IP6K3: variants seen among roughly 807,000 people sequenced by gnomAD.
IP6K3 encodes the protein ATP:1D-myo-inositol-hexakisphosphate phosphotransferase.
A neutral mutation model predicts 28.8 loss-of-function variants in IP6K3; 20 were observed. The ratio of observed to expected loss-of-function variants is 0.70; its 90% CI spans 0.49 to 1.01. The LOEUF (loss-of-function observed/expected upper bound fraction) is 1.01, where lower values mean the gene tolerates loss of function less well. Ranked by LOEUF, IP6K3 falls within the 50% of genes least tolerant of loss-of-function variation. The pLI is 0.00. For missense variants in IP6K3, 480 were observed against 537.1 expected, an observed-to-expected ratio of 0.89 and a Z score of 1.05; for synonymous variants, 213 against 221.3, an observed-to-expected ratio of 0.96 and a Z score of 0.33.
At chr6:33,726,494 C>A (rs1766117633) in intron 4 of IP6K3, among the ~76,000 whole-genome samples, 1 of 152,232 alleles carries the variant, frequency 6.6e-6, no homozygotes, top group South Asian at 2.1e-4. Context: ...GCACTGCGCT[C>A]AGTATAATTC....
chr6:33,736,623 C>T (rs1303135894), intron 1 of IP6K3, among the ~76,000 whole-genome samples: 8 of 152,148 alleles, frequency 5.3e-5, no homozygotes, highest in Admixed American at 5.2e-4. Context: ...CCAGGCTGGT[C>T]TCGAACTCCT....
At chr6:33,739,065 G>C (rs1037543665) in intron 1 of IP6K3, 2 of 152,194 alleles carry the variant, frequency 1.3e-5, no homozygotes, top group African/African-American at 4.8e-5. Context: ...GTCATTCCCA[G>C]CAGGGAACTG....
intron 1 of IP6K3, among the ~76,000 whole-genome samples, chr6:33,739,664 T>G (rs920707822): frequency 6.6e-6 from 1 of 152,230 alleles, no homozygotes; most frequent in Non-Finnish European, 1.5e-5. Context: ...AAGTCCCAAT[T>G]AAATCATTCA....
chr6:33,722,925 G>C lies in IP6K3; in HGVS notation c.1028C>G (p.Pro343Arg). 6.2e-7 allele frequency: 1 copy of C among 1,614,026 alleles called. No individual in the cohort carries two copies. Among genetic ancestry groups the C allele is most frequent in the South Asian group, 1.1e-5 (1 of 91,066 alleles). The change falls in exon 6 of 6, where the codon CCG becomes CGG. Residue 343 changes from proline (P) to arginine (R), a missense_variant. Pro to Arg is a moderately radical substitution (Grantham distance 103). Coordinates refer to ENST00000293756, the MANE Select transcript of IP6K3 (RefSeq NM_054111.5). ...QEPPERAPGSPHPHEAPQAAH... is the reference protein window; with the variant it reads ...QEPPERAPGSRHPHEAPQAAH... ...TGCCTGGGGAGCCTCGTGAGGATGCGGGCTGCCTGGGGCTCTTTCTGGTGG... is the reference window on the plus strand; with the variant it reads ...TGCCTGGGGAGCCTCGTGAGGATGCCGGCTGCCTGGGGCTCTTTCTGGTGG...
chr6:33,747,454 TG>T (rs1293298907), upstream of IP6K3, among the ~76,000 whole-genome samples: 1 of 152,076 alleles, frequency 6.6e-6, no homozygotes, highest in African/African-American at 2.4e-5. The surrounding 1 kb of genome is among the most constrained non-coding windows in gnomAD (Gnocchi z 5.2). Flanking sequence ...GGATTACAGC[TG>T]GGGGGCTCAG....
intron 5 of IP6K3, 130 bp downstream of exon 5, chr6:33,725,311 G>T: frequency 2.4e-6 from 2 of 828,364 alleles, no homozygotes; most frequent in Non-Finnish European, 3.6e-6. Flanking sequence ...GGAGGCTCCT[G>T]GCCTCCTCTG....
chr6:33,729,036 G>A (rs907035722), intron 2 of IP6K3, among the ~76,000 whole-genome samples: 5 of 152,244 alleles, frequency 3.3e-5, no homozygotes, highest in Admixed American at 2.0e-4. Flanking sequence ...TACCATCGGT[G>A]TTGGTCATTG....
At chr6:33,759,067 TA>T in the IP6K3 span, among the ~76,000 whole-genome samples, 2 of 152,218 alleles carry the variant, frequency 1.3e-5, no homozygotes, top group Non-Finnish European at 2.9e-5. Context: ...GTGGGCCCGT[TA>T]AATCCTCCTA....
intron 1 of IP6K3, among the ~76,000 whole-genome samples, chr6:33,743,504 A>G (rs1039881496): frequency 2.6e-5 from 4 of 152,314 alleles, no homozygotes; most frequent in South Asian, 2.1e-4. Context: ...GGCAGGAGAA[A>G]TTTGGAGTTT....
the IP6K3 span, among the ~76,000 whole-genome samples, chr6:33,752,251 G>A: frequency 6.6e-6 from 1 of 152,236 alleles, no homozygotes; most frequent in Non-Finnish European, 1.5e-5. Context: ...CCTTCACGGT[G>A]GCTGACATCA....
chr6:33,740,434 G>A (rs1262626713), intron 1 of IP6K3, among the ~76,000 whole-genome samples: 1 of 152,252 alleles, frequency 6.6e-6, no homozygotes, highest in Non-Finnish European at 1.5e-5. Flanking sequence ...GTTGTTAAAT[G>A]AGGCCCTGGG....
chr6:33,754,259 C>T, the IP6K3 span, among the ~76,000 whole-genome samples: 15 of 151,988 alleles, frequency 9.9e-5, no homozygotes, highest in African/African-American at 2.9e-4. Flanking sequence ...GACTTTCAGA[C>T]GTGGGTGGTG....
At chr6:33,755,914 G>T in the IP6K3 span, among the ~76,000 whole-genome samples, 3 of 152,080 alleles carry the variant, frequency 2.0e-5, no homozygotes, top group Non-Finnish European at 2.9e-5. Flanking sequence ...ACCCAGGCTG[G>T]AGTGCAATGG....
At chr6:33,734,223 A>T (rs907411171) in intron 2 of IP6K3, among the ~76,000 whole-genome samples, 2 of 144,022 alleles carry the variant, frequency 1.4e-5, no homozygotes, top group Non-Finnish European at 3.1e-5. Context: ...AAAAAAAAAA[A>T]AAGAGAATTC....
the IP6K3 span, among the ~76,000 whole-genome samples, chr6:33,755,368 C>G: frequency 6.6e-6 from 1 of 152,238 alleles, no homozygotes; most frequent in African/African-American, 2.4e-5. Context: ...CCTTCCCAGA[C>G]TGGGGCAGTG....
In IP6K3 at chr6:33,728,116, A is replaced by T. The variant is rs1257667295; in HGVS notation, c.384T>A (p.His128Gln). ...CCTTGGGTGAGCGTGCCAGCTGGGC[A>T]TGCGGCCACTGGGCAAGGGTGCAGT... ...GSDCTLAQWP[H>Q]AQLARSPKES... The change falls in exon 3 of 6, where the codon CAT becomes CAA. Residue 128 changes from histidine to glutamine, a missense_variant. Coordinates refer to ENST00000293756, the MANE Select transcript of IP6K3 (RefSeq NM_054111.5). The T allele has an allele frequency of 1.2e-6, 2 of 1,607,254 alleles. No homozygotes were observed. Among genetic ancestry groups the T allele is most frequent in the South Asian group, 1.1e-5 (1 of 91,054 alleles).
chr6:33,722,924 C>G lies in IP6K3; in HGVS notation c.1029G>C (p.Pro343=), dbSNP rs756972676. The change falls in exon 6 of 6, where the codon CCG becomes CCC. Residue 343 remains proline, a synonymous_variant. Coordinates refer to ENST00000293756, the MANE Select transcript of IP6K3 (RefSeq NM_054111.5). Reference sequence around the variant, plus strand: ...CTGCCTGGGGAGCCTCGTGAGGATGCGGGCTGCCTGGGGCTCTTTCTGGTG... The same window carrying G: ...CTGCCTGGGGAGCCTCGTGAGGATGGGGGCTGCCTGGGGCTCTTTCTGGTG... ...QEPPERAPGS[P]HPHEAPQAAH... 10 of 1,613,640 alleles carry G rather than the reference C, an allele frequency of 6.2e-6. No individual in the cohort carries two copies. Among genetic ancestry groups the G allele is most frequent in the Non-Finnish European group, 8.5e-6 (10 of 1,179,878 alleles).
At chr6:33,736,666 A>T (rs1316043711) in intron 1 of IP6K3, among the ~76,000 whole-genome samples, 1 of 151,918 alleles carries the variant, frequency 6.6e-6, no homozygotes, top group Non-Finnish European at 1.5e-5. Context: ...TTGGCCTCCC[A>T]AAGTGCTGGG....
upstream of IP6K3, among the ~76,000 whole-genome samples, chr6:33,750,021 C>G (rs1288062710): frequency 6.6e-6 from 1 of 152,168 alleles, no homozygotes; most frequent in Non-Finnish European, 1.5e-5. The surrounding 1 kb of genome is among the most constrained non-coding windows in gnomAD (Gnocchi z 4.3). Context: ...GCCAGCTCCC[C>G]CTTGGCCTCT....
Sources: gnomAD v4.1 joint callset for allele counts (sites outside exome capture counted in the v4.1 genomes callset) on GRCh38, gnomAD v4.1.1 for gene constraint, Gnocchi (gnomAD v3.1) non-coding constraint, MANE v1.5 for transcripts, NCBI Gene and HGNC (gene_info 2026-07-23, HGNC 2026-07-21) for gene names.